The following ELFN2 variants were observed in gnomAD, a reference collection of about 807,000 sequenced individuals.
ELFN2 encodes protein phosphatase 1 regulatory subunit 29.
In ELFN2, 17 loss-of-function variants were observed where a neutral mutation model predicts 45.5. That is an observed-to-expected ratio of 0.37 (90% CI 0.26 to 0.56). ELFN2 has a LOEUF of 0.56. ELFN2 is among the 20% of genes least tolerant of loss of function. The pLI is 0.77. For missense variants in ELFN2, 922 were observed against 1,183.2 expected (o/e 0.78, Z 3.24); for synonymous variants, 550 against 551.5 (o/e 1.00, Z 0.04).
intron 2 of ELFN2, among the ~76,000 whole-genome samples, chr22:37,395,829 G>A (rs1425864183): frequency 1.3e-5 from 2 of 152,178 alleles, no homozygotes; most frequent in African/African-American, 2.4e-5. Flanking sequence ...GGCCCAGGGT[G>A]GGAGGGGCAG....
intron 2 of ELFN2, among the ~76,000 whole-genome samples, chr22:37,403,536 T>C (rs1932417988): frequency 6.6e-6 from 1 of 152,176 alleles, no homozygotes; most frequent in South Asian, 2.1e-4. Flanking sequence ...CGGTTTGGGC[T>C]CCCGGGTGTT....
chr22:37,350,551 C>T (rs116603100), intron 1 of ELFN2, among the ~76,000 whole-genome samples: 3,558 of 150,720 alleles, frequency 0.024, 179 homozygotes, highest in African/African-American at 0.082. Flanking sequence ...CCTGCCTCCC[C>T]ACCGCAGGGC....
In ELFN2 at chr22:37,404,037, C is replaced by T. The variant is rs79008630; in HGVS notation, c.-463+13732G>A. ...GAGGGTGATTCTGGTGAGGGAACCA[C>T]GTATGTGGTACCCAGAAGGTGGCAC... On this transcript the variant is annotated intron_variant, in intron 2 of 2. Coordinates refer to ENST00000402918, the MANE Select transcript of ELFN2 (RefSeq NM_052906.5). Among the ~76,000 whole-genome samples, 454 of 152,338 alleles carry T rather than the reference C, an allele frequency of 3.0e-3. 5 individuals carry two copies. Among genetic ancestry groups the T allele is most frequent in the African/African-American group, 0.01 (416 of 41,580 alleles).
chr22:37,345,382 G>A (rs769981140), intron 1 of ELFN2, among the ~76,000 whole-genome samples: 5 of 152,114 alleles, frequency 3.3e-5, no homozygotes, highest in Admixed American at 6.5e-5. Flanking sequence ...TCAGCAAGTC[G>A]CTCCACTTCT....
In ELFN2 at chr22:37,398,059, T is replaced by A. The variant is rs141296269; in HGVS notation, c.-463+19710A>T. Among the ~76,000 whole-genome samples, 615 of 152,238 alleles carry A rather than the reference T, an allele frequency of 4.0e-3. 5 individuals carry two copies. The highest frequency in any genetic ancestry group is 0.014 in the African/African-American group (563 of 41,532). On this transcript the variant is annotated intron_variant, in intron 2 of 2. Coordinates refer to ENST00000402918, the MANE Select transcript of ELFN2 (RefSeq NM_052906.5). Reference sequence around the variant, plus strand: ...CAGCCGAACATCTTCCAGGCCACGCTGCGGGTGGATTATTGCATCTAATCC... The same window carrying A: ...CAGCCGAACATCTTCCAGGCCACGCAGCGGGTGGATTATTGCATCTAATCC...
chr22:37,350,528 T>C lies in ELFN2; in HGVS notation n.149-7825A>G, dbSNP rs189968822. On this transcript the variant is annotated intron_variant and non_coding_transcript_variant, in intron 1 of 2. Transcript: ENST00000452946. ...AGGCTTTAGAGACAGCCGCAGGCCCTATCCCCTCTTTCCCTGCCTCCCCAC... is the reference window on the plus strand; with the variant it reads ...AGGCTTTAGAGACAGCCGCAGGCCCCATCCCCTCTTTCCCTGCCTCCCCAC... Among the ~76,000 whole-genome samples, 469 of 150,550 alleles carry C rather than the reference T, an allele frequency of 3.1e-3. 26 individuals are homozygous for C. Among genetic ancestry groups the C allele is most frequent in the Non-Finnish European group, 5.2e-3 (351 of 67,000 alleles).
chr22:37,407,491 T>C (rs1932534430), intron 2 of ELFN2, among the ~76,000 whole-genome samples: 1 of 152,110 alleles, frequency 6.6e-6, no homozygotes. Context: ...AAGAAACAAG[T>C]GCCTTGGCTT....
At chr22:37,400,462 G>A (rs1601762239) in intron 2 of ELFN2, among the ~76,000 whole-genome samples, 1 of 152,304 alleles carries the variant, frequency 6.6e-6, no homozygotes, top group East Asian at 1.9e-4. Flanking sequence ...GCATCTTAGG[G>A]CCTCCTAGCA....
At position 37,417,955 on chromosome 22, in the gene ELFN2, G is replaced by A. The variant is rs529422558; in HGVS notation, c.-613-36C>T. 1 of 146,576 alleles carries A rather than the reference G, an allele frequency of 6.8e-6. No individual in the cohort carries two copies. The highest frequency in any genetic ancestry group is 2.4e-4 in the South Asian group (1 of 4,136). 9.1% of individuals were successfully genotyped at this position (146,576 alleles called of 1,614,324 possible). On this transcript the variant is annotated intron_variant, in intron 1 of 2. Coordinates refer to ENST00000402918, the MANE Select transcript of ELFN2 (RefSeq NM_052906.5). This position sits in a 1 kb window ranked among gnomAD's most constrained non-coding sequence, Gnocchi z 4.5. ...GCGAGGGGGAGAGAGGGGAGGGAGG[G>A]AGAGAAGGGGAGGAGAGGGAGGGGG...
At chr22:37,411,565 G>C (rs1215512627) in intron 2 of ELFN2, among the ~76,000 whole-genome samples, 1 of 99,844 alleles carries the variant, frequency 1.0e-5, no homozygotes, top group East Asian at 2.9e-4. Context: ...GGACAAGCAA[G>C]ACTCACACAG....
At chr22:37,364,107 C>T (rs996286521), downstream of ELFN2, among the ~76,000 whole-genome samples, 1 of 152,172 alleles carries the variant, frequency 6.6e-6, no homozygotes, top group Non-Finnish European at 1.5e-5. Flanking sequence ...CCCAGCCCCA[C>T]AGTCTGGGAA....
Position 37,374,263 on chromosome 22 carries a change from C to T in ELFN2, c.1272G>A (p.Met424Ile). The change falls in exon 3 of 3, where the codon ATG becomes ATA. Residue 424 changes from methionine to isoleucine, a missense_variant. This residue lies in a region of ELFN2 where 564 missense variants were observed against 642.8 expected (regional missense o/e 0.88). Coordinates refer to ENST00000402918, the MANE Select transcript of ELFN2 (RefSeq NM_052906.5). ...TGACAGACTTCTGCTTCTCCTCCTG[C>T]ATGCGCCGCTTGCGCAGGCAGTAGT... Reference protein sequence around the residue: ...AVYYCLRKRRMQEEKQKSVNV... With the variant: ...AVYYCLRKRRIQEEKQKSVNV... The T allele has an allele frequency of 6.2e-7, 1 of 1,614,040 alleles. No homozygotes were observed. Among genetic ancestry groups the T allele is most frequent in the South Asian group, 1.1e-5 (1 of 91,090 alleles).
chr22:37,363,107 T>C (rs949870831), downstream of ELFN2, among the ~76,000 whole-genome samples: 1 of 152,222 alleles, frequency 6.6e-6, no homozygotes, highest in African/African-American at 2.4e-5. Flanking sequence ...TGCGTAGTTA[T>C]TTTAAAAGTC....
chr22:37,422,503 G>A (rs538574699), intron 1 of ELFN2, among the ~76,000 whole-genome samples: 11 of 152,000 alleles, frequency 7.2e-5, no homozygotes, highest in African/African-American at 1.9e-4. Flanking sequence ...TCAGGAGTTC[G>A]AGACCAGCCT....
intron 1 of ELFN2, among the ~76,000 whole-genome samples, chr22:37,343,603 C>T (rs943011171): frequency 1.3e-5 from 2 of 152,046 alleles, no homozygotes; most frequent in Admixed American, 6.5e-5. Context: ...TCAGTGCTCC[C>T]GCTGCTCAGC....
At position 37,417,036 on chromosome 22, in the gene ELFN2, C is replaced by T. The variant is rs536048221; in HGVS notation, c.-463+733G>A. On this transcript the variant is annotated intron_variant, in intron 2 of 2. Transcript: ENST00000402918. The surrounding 1 kb of genome is among the most constrained non-coding windows in gnomAD (Gnocchi z 4.5). The stretch of plus-strand genomic sequence containing the variant: ...CAATGCCACAGAGGCGGCTCCCTCA[C>T]CACGGCAACCACCGTCACTCAGCGC... Among the ~76,000 whole-genome samples, 90 of 152,100 alleles carry T rather than the reference C, an allele frequency of 5.9e-4. No individual in the cohort carries two copies. Among genetic ancestry groups the T allele is most frequent in the Non-Finnish European group, 1.2e-3 (82 of 67,974 alleles).
chr22:37,399,481 GC>G (rs1932306570), intron 2 of ELFN2, among the ~76,000 whole-genome samples: 1 of 149,942 alleles, frequency 6.7e-6, no homozygotes. Flanking sequence ...GAGACCACCG[GC>G]CCACCTCTCC....
rs541537288 is a variant in ELFN2 at position 37,387,836 on chromosome 22, G to A, written c.-462-11840C>T. 3.0e-3 allele frequency among the ~76,000 whole-genome samples: 461 copies of A among 151,748 alleles called. 3 individuals carry two copies. The highest frequency in any genetic ancestry group is 0.011 in the African/African-American group (444 of 41,334). ...ACCCTTCCCAAGGCTTCTAATGTCA[G>A]CTCTGGGCTGACCACACCCAAACCA... is the stretch of plus-strand genomic sequence containing the variant. On this transcript the variant is annotated intron_variant, in intron 2 of 2. Coordinates refer to ENST00000402918, the MANE Select transcript of ELFN2 (RefSeq NM_052906.5).
At chr22:37,407,652 C>G (rs545527397) in intron 2 of ELFN2, among the ~76,000 whole-genome samples, 1 of 151,950 alleles carries the variant, frequency 6.6e-6, no homozygotes, top group Non-Finnish European at 1.5e-5. Context: ...AATCCCAATA[C>G]TTTGGGAGGC....
Sources: gnomAD v4.1 joint callset for allele counts (sites outside exome capture counted in the v4.1 genomes callset) on GRCh38, gnomAD v4.1.1 for gene constraint, gnomAD v4.1.1 regional missense constraint, Gnocchi (gnomAD v3.1) non-coding constraint, MANE v1.5 for transcripts, NCBI Gene and HGNC (gene_info 2026-07-23, HGNC 2026-07-21) for gene names.